The following FAR2 variants were observed in gnomAD, a reference collection of about 807,000 sequenced individuals.
The protein encoded by FAR2 is epididymis secretory protein Li 81.
Under a neutral mutation model 56.0 loss-of-function variants are expected in FAR2, and 19 were observed. The ratio of observed to expected loss-of-function variants is 0.34; its 90% CI spans 0.24 to 0.50. FAR2 has a LOEUF of 0.50. FAR2 is among the 20% of genes least tolerant of loss of function. The pLI, the probability that FAR2 is intolerant of heterozygous loss-of-function variation, is 0.98. For synonymous variants in FAR2, 219 were observed against 218.8 expected (o/e 1.00, Z -0.01); for missense variants, 508 against 642.2 (o/e 0.79, Z 2.26).
chr12:29,276,530 T>C (rs1456172417), intron 2 of FAR2, among the ~76,000 whole-genome samples: 1 of 152,120 alleles, frequency 6.6e-6, no homozygotes, highest in Non-Finnish European at 1.5e-5. Flanking sequence ...TGTAAAGAGA[T>C]TTTCCATGGA....
At chr12:29,330,795 G>C (rs574041530) in intron 10 of FAR2, among the ~76,000 whole-genome samples, 22 of 152,116 alleles carry the variant, frequency 1.4e-4, no homozygotes, top group Non-Finnish European at 2.9e-4. Flanking sequence ...TTGGCTTTTT[G>C]GTTTTGATAA....
chr12:29,252,113 C>T (rs145662091), intron 1 of FAR2, among the ~76,000 whole-genome samples: 99 of 152,208 alleles, frequency 6.5e-4, no homozygotes, highest in Middle Eastern at 3.4e-3. Context: ...AAGGGAGTTA[C>T]TATTACTGGG....
intron 1 of FAR2, among the ~76,000 whole-genome samples, chr12:29,247,103 C>T (rs1948140901): frequency 6.6e-6 from 1 of 152,124 alleles, no homozygotes; most frequent in Non-Finnish European, 1.5e-5. Flanking sequence ...TTTATTGGCA[C>T]AGGTTACGAT....
intron 1 of FAR2, among the ~76,000 whole-genome samples, chr12:29,199,596 T>G (rs1947378946): frequency 1.4e-5 from 1 of 74,020 alleles, no homozygotes; most frequent in African/African-American, 4.7e-5. Context: ...CGAGACCCCG[T>G]CTCAAAAAAA....
chr12:29,280,911 G>C (rs562976561), intron 2 of FAR2: 1 of 152,246 alleles, frequency 6.6e-6, no homozygotes. Context: ...ATAGCTGTGT[G>C]TCCAGGAGAA....
At chr12:29,199,564 C>A (rs1373091510) in intron 1 of FAR2, among the ~76,000 whole-genome samples, 6 of 147,038 alleles carry the variant, frequency 4.1e-5, no homozygotes, top group Non-Finnish European at 5.9e-5. Flanking sequence ...CGCTCCACTG[C>A]GCTCCAGCCT....
intron 1 of FAR2, among the ~76,000 whole-genome samples, chr12:29,252,093 A>G (rs1429198637): frequency 6.6e-6 from 1 of 152,158 alleles, no homozygotes; most frequent in Non-Finnish European, 1.5e-5. Flanking sequence ...CTCTGGATGA[A>G]CAAGCAAAGA....
chr12:29,276,993 T>TA (rs1948711444), intron 2 of FAR2, among the ~76,000 whole-genome samples: 1 of 152,138 alleles, frequency 6.6e-6, no homozygotes, highest in Non-Finnish European at 1.5e-5. Context: ...TTATTTATTT[T>TA]GAGACGGAGT....
chr12:29,287,146 G>A (rs991174494), intron 2 of FAR2, among the ~76,000 whole-genome samples: 4 of 152,184 alleles, frequency 2.6e-5, no homozygotes. Flanking sequence ...TCAAAGAAAA[G>A]ATAGATGCCC....
chr12:29,316,697 T>A (rs970119498), intron 8 of FAR2, 144 bp from the exon 9 acceptor site: 1 of 803,186 alleles, frequency 1.2e-6, no homozygotes, highest in African/African-American at 1.7e-5. Flanking sequence ...CACAAAAATC[T>A]TTATATTGTT....
At chr12:29,300,887 C>A (rs1379422038) in intron 4 of FAR2, among the ~76,000 whole-genome samples, 1 of 152,116 alleles carries the variant, frequency 6.6e-6, no homozygotes, top group Non-Finnish European at 1.5e-5. Context: ...GAAGGATATG[C>A]ATTTTTGGCC....
intron 9 of FAR2, among the ~76,000 whole-genome samples, chr12:29,319,116 G>A (rs1361759981): frequency 2.0e-5 from 3 of 151,424 alleles, no homozygotes; most frequent in East Asian, 1.9e-4. Flanking sequence ...TCAGCCTCTC[G>A]AGTAGCTGGG....
intron 1 of FAR2, among the ~76,000 whole-genome samples, chr12:29,254,334 A>C (rs1159826656): frequency 6.6e-6 from 1 of 152,220 alleles, no homozygotes; most frequent in Non-Finnish European, 1.5e-5. Flanking sequence ...TTTTTCATTA[A>C]GTGTTTGACA....
chr12:29,218,479 A>G (rs1367668011), intron 1 of FAR2, among the ~76,000 whole-genome samples: 1 of 152,312 alleles, frequency 6.6e-6, no homozygotes, highest in East Asian at 1.9e-4. Context: ...AAAGGAATGA[A>G]AGCTAAAACT....
chr12:29,203,981 G>C lies in FAR2; in HGVS notation c.-39+54574G>C, dbSNP rs572955358. Among the ~76,000 whole-genome samples, 229 of 115,298 alleles carry C rather than the reference G, an allele frequency of 2.0e-3. 1 individual carries two copies. Among genetic ancestry groups the C allele is most frequent in the African/African-American group, 7.3e-3 (221 of 30,404 alleles). 75.6% of individuals were successfully genotyped at this position (115,298 alleles called of 152,430 possible). A position where few individuals can be genotyped will look rare whatever the true frequency, so the allele number is the denominator to read the frequency against. On this transcript the variant is annotated intron_variant, in intron 1 of 11. Transcript: ENST00000536681. ...CGCCACCACACTCCAGCCTGGGAGA[G>C]AGAGTGAGATTCCATCTCAAAAAAA...
At chr12:29,202,622 C>G (rs1353065844) in intron 1 of FAR2, among the ~76,000 whole-genome samples, 1 of 152,104 alleles carries the variant, frequency 6.6e-6, no homozygotes. Context: ...GGGGCGGATC[C>G]CTCATAAATG....
chr12:29,196,104 A>G (rs970005476), intron 1 of FAR2, among the ~76,000 whole-genome samples: 14 of 152,140 alleles, frequency 9.2e-5, no homozygotes, highest in African/African-American at 3.4e-4. Context: ...TCCATTGATG[A>G]TCACTTAGGT....
At chr12:29,179,606 G>A (rs768891463) in intron 1 of FAR2, among the ~76,000 whole-genome samples, 15 of 152,124 alleles carry the variant, frequency 9.9e-5, no homozygotes, top group Non-Finnish European at 2.2e-4. Flanking sequence ...ACATCAGAGA[G>A]ACACCTACCT....
chr12:29,253,251 ATATC>A (rs1208300850), intron 1 of FAR2, among the ~76,000 whole-genome samples: 1 of 131,032 alleles, frequency 7.6e-6, no homozygotes, highest in Non-Finnish European at 1.6e-5. Flanking sequence ...CTATATATCG[ATATC>A]TATCTAGATA....
Sources: allele counts gnomAD v4.1 joint callset (sites outside exome capture counted in the v4.1 genomes callset), GRCh38; gene constraint gnomAD v4.1.1; transcripts MANE v1.5; gene names NCBI Gene and HGNC (gene_info 2026-07-23, HGNC 2026-07-21).